Variants in SNX30 observed in about 807,000 individuals in gnomAD.
The protein encoded by SNX30 is sorting nexin-30.
In SNX30, 24 loss-of-function variants were observed where a neutral mutation model predicts 46.4. That is an observed-to-expected ratio of 0.52 (90% CI 0.37 to 0.73). The LOEUF (loss-of-function observed/expected upper bound fraction) is 0.73. Among genes scored for constraint, SNX30 ranks in the 30% least tolerant of loss-of-function variants. The pLI, the probability that SNX30 is intolerant of heterozygous loss-of-function variation, is 0.00. For missense variants in SNX30, 533 were observed against 555.7 expected (o/e 0.96, Z 0.41); for synonymous variants, 189 against 211.5 (o/e 0.89, Z 0.92).
chr9:112,838,414 C>A, intron 5 of SNX30, 84 bp from the exon 6 acceptor site: 1 of 1,150,480 alleles, frequency 8.7e-7, no homozygotes, highest in Non-Finnish European at 1.3e-6. Context: ...ATGTAGAGAG[C>A]TCTTGGCTGT....
At chr9:112,825,123 G>A (rs1840562240) in intron 3 of SNX30, among the ~76,000 whole-genome samples, 1 of 152,200 alleles carries the variant, frequency 6.6e-6, no homozygotes, top group Admixed American at 6.5e-5. Flanking sequence ...AATTGCTGGA[G>A]CATATAGTAA....
intron 3 of SNX30, among the ~76,000 whole-genome samples, chr9:112,824,721 T>TCATG (rs1840555264): frequency 6.6e-6 from 1 of 152,174 alleles, no homozygotes; most frequent in Non-Finnish European, 1.5e-5. Context: ...ATTCCTTGGC[T>TCATG]CATGGCCTCT....
At chr9:112,776,364 T>C (rs1165204163) in intron 1 of SNX30, among the ~76,000 whole-genome samples, 1 of 152,226 alleles carries the variant, frequency 6.6e-6, no homozygotes, top group African/African-American at 2.4e-5. Flanking sequence ...GTTTCTACTT[T>C]TCTGTTTAAT....
At chr9:112,796,386 G>T (rs1339880856) in intron 1 of SNX30, among the ~76,000 whole-genome samples, 1 of 152,230 alleles carries the variant, frequency 6.6e-6, no homozygotes, top group Non-Finnish European at 1.5e-5. Flanking sequence ...TTCCAGAGAA[G>T]ATGTTGTCCC....
chr9:112,865,489 G>A (rs867103625), intron 8 of SNX30, among the ~76,000 whole-genome samples: 47 of 151,590 alleles, frequency 3.1e-4, no homozygotes, highest in African/African-American at 1.0e-3. Flanking sequence ...GTGGTGGCGT[G>A]TGCCTATAGT....
intron 1 of SNX30, among the ~76,000 whole-genome samples, chr9:112,768,961 G>C (rs1436242062): frequency 6.6e-6 from 1 of 152,010 alleles, no homozygotes; most frequent in Admixed American, 6.6e-5. Flanking sequence ...ATTCTAACGG[G>C]CAGCCAAGAT....
intron 1 of SNX30, among the ~76,000 whole-genome samples, chr9:112,796,225 C>G (rs1840105377): frequency 6.6e-6 from 1 of 152,232 alleles, no homozygotes; most frequent in Non-Finnish European, 1.5e-5. Context: ...TGTGCAGTGT[C>G]TGTCCACTGA....
At position 112,873,583 on chromosome 9, in the gene SNX30, G is replaced by C. The variant is rs756876119; in HGVS notation, c.*4740G>C. The C allele has an allele frequency of 4.6e-5, 7 of 152,058 alleles. No homozygotes were observed. Among genetic ancestry groups the C allele is most frequent in the Non-Finnish European group, 1.0e-4 (7 of 68,032 alleles). The allele number at this position is 152,058 out of a possible 1,614,324, so 9.4% of individuals were successfully genotyped here. A position where few individuals can be genotyped will look rare whatever the true frequency, so the allele number is the denominator to read the frequency against. The stretch of plus-strand genomic sequence containing the variant: ...TTTGGGGAGGGGAAAACTAAGGACT[G>C]CTTTTGCCAAATGATATTTTTGATA... On this transcript the variant is annotated 3_prime_UTR_variant, in exon 9 of 9. Transcript: ENST00000374232.
chr9:112,824,530 G>GT (rs11458353), intron 3 of SNX30, among the ~76,000 whole-genome samples: 28,094 of 143,380 alleles, frequency 0.2, 2,625 homozygotes, highest in Admixed American at 0.22. Flanking sequence ...ACACCCAGGT[G>GT]TTTTTTTTTT....
intron 1 of SNX30, among the ~76,000 whole-genome samples, chr9:112,793,963 G>A (rs1462753716): frequency 6.6e-6 from 1 of 151,936 alleles, no homozygotes; most frequent in Non-Finnish European, 1.5e-5. Context: ...AAACATGACC[G>A]CTTCCTGGTT....
In SNX30 at chr9:112,821,123, C is replaced by T. The variant is rs548331805; in HGVS notation, c.459+3308C>T. 5.3e-4 allele frequency among the ~76,000 whole-genome samples: 80 copies of T among 152,274 alleles called. 1 individual carries two copies. Among genetic ancestry groups the T allele is most frequent in the African/African-American group, 1.9e-3 (78 of 41,552 alleles). Reference sequence around the variant, plus strand: ...GCCAGACTGTTTTCAAAAGTGATGACAGCAACTTACATTTCCACACGCGAT... The same window carrying T: ...GCCAGACTGTTTTCAAAAGTGATGATAGCAACTTACATTTCCACACGCGAT... On this transcript the variant is annotated intron_variant, in intron 3 of 8. Coordinates refer to ENST00000374232, the MANE Select transcript of SNX30 (RefSeq NM_001012994.2).
At chr9:112,768,647 C>CTTCTTCTTCTTTTTTT (rs1554748345) in intron 1 of SNX30, among the ~76,000 whole-genome samples, 7 of 64,364 alleles carry the variant, frequency 1.1e-4, no homozygotes, top group African/African-American at 2.1e-4. Flanking sequence ...ATTCTTTCTT[C>CTTCTTCTTCTTTTTTT]TTTTTTTTTT....
intron 2 of SNX30, among the ~76,000 whole-genome samples, chr9:112,808,436 G>A (rs1227826636): frequency 6.6e-6 from 1 of 152,202 alleles, no homozygotes; most frequent in African/African-American, 2.4e-5. Flanking sequence ...TCTCCCCAGT[G>A]GTGGAGAGCC....
chr9:112,854,334 C>T (rs1841084598), intron 7 of SNX30, among the ~76,000 whole-genome samples: 3 of 152,230 alleles, frequency 2.0e-5, no homozygotes, highest in Non-Finnish European at 4.4e-5. Flanking sequence ...TTCCTGTCCA[C>T]TCCCCGTGCT....
intron 3 of SNX30, among the ~76,000 whole-genome samples, chr9:112,819,481 G>T (rs1000752417): frequency 9.9e-5 from 15 of 151,808 alleles, no homozygotes; most frequent in African/African-American, 2.4e-5. Context: ...TGGCCAGGCT[G>T]GTCTCAAACT....
intron 1 of SNX30, among the ~76,000 whole-genome samples, chr9:112,759,986 T>G (rs1356841157): frequency 6.6e-6 from 1 of 152,194 alleles, no homozygotes; most frequent in African/African-American, 2.4e-5. Flanking sequence ...TCCTTGATAT[T>G]GTACTCTCCA....
chr9:112,775,854 G>A lies in SNX30; in HGVS notation c.156+24697G>A, dbSNP rs183188466. Among the ~76,000 whole-genome samples, 13 of 139,778 alleles carry A rather than the reference G, an allele frequency of 9.3e-5. 1 individual carries two copies. Among genetic ancestry groups the A allele is most frequent in the African/African-American group, 2.4e-4 (9 of 36,774 alleles). 91.7% of individuals were successfully genotyped at this position (139,778 alleles called of 152,430 possible). ...GTACCACGCTTTACACATAACCTTA[G>A]TTCTTGGCGATTGTTCCATATTAGC... On this transcript the variant is annotated intron_variant, in intron 1 of 8. Coordinates refer to ENST00000374232, the MANE Select transcript of SNX30 (RefSeq NM_001012994.2).
At chr9:112,792,416 C>T (rs1195106856) in intron 1 of SNX30, among the ~76,000 whole-genome samples, 2 of 152,032 alleles carry the variant, frequency 1.3e-5, no homozygotes, top group African/African-American at 4.8e-5. Flanking sequence ...TCCCTTTTTC[C>T]ATTTTCCTCT....
At chr9:112,767,073 T>C (rs754342193) in intron 1 of SNX30, among the ~76,000 whole-genome samples, 1 of 152,048 alleles carries the variant, frequency 6.6e-6, no homozygotes, top group Non-Finnish European at 1.5e-5. Context: ...CTGCCAACAG[T>C]GTATACAAGG....
Sources: gnomAD v4.1 joint callset for allele counts (sites outside exome capture counted in the v4.1 genomes callset) on GRCh38, gnomAD v4.1.1 for gene constraint, MANE v1.5 for transcripts, NCBI Gene and HGNC (gene_info 2026-07-23, HGNC 2026-07-21) for gene names.